The following FBXW11 variants were observed in gnomAD, a reference collection of about 807,000 sequenced individuals.
FBXW11 encodes the protein F-box and WD repeat domain containing 11.
A neutral mutation model predicts 77.6 loss-of-function variants in FBXW11; 19 were observed. The observed-to-expected ratio is 0.24, with a 90% confidence interval of 0.17 to 0.36. The LOEUF is 0.36. FBXW11 is among the 10% of genes least tolerant of loss of function. The probability of loss-of-function intolerance (pLI) is 1.00; values close to 1 mark genes in which losing one functional copy is unlikely to be tolerated. For missense variants in FBXW11, 334 were observed against 704.2 expected (o/e 0.47, Z 5.95); for synonymous variants, 235 against 249.4 (o/e 0.94, Z 0.54).
At chr5:171,932,655 CTATA>C (rs1762274133) in intron 2 of FBXW11, among the ~76,000 whole-genome samples, 1 of 152,136 alleles carries the variant, frequency 6.6e-6, no homozygotes, top group Non-Finnish European at 1.5e-5. Flanking sequence ...TCTTACAAAA[CTATA>C]TATACTCTTG....
At chr5:171,969,297 G>A (rs947457898) in intron 1 of FBXW11, among the ~76,000 whole-genome samples, 1 of 152,224 alleles carries the variant, frequency 6.6e-6, no homozygotes, top group South Asian at 2.1e-4. Context: ...AGAATGTATG[G>A]AAGGGAAAAC....
At chr5:171,866,630 A>G (rs916442355) in intron 13 of FBXW11, among the ~76,000 whole-genome samples, 24 of 152,194 alleles carry the variant, frequency 1.6e-4, no homozygotes, top group Non-Finnish European at 2.6e-4. Flanking sequence ...TTGTCAGTTC[A>G]TCTATTGTAA....
At chr5:171,914,276 TTAA>T in intron 3 of FBXW11, 64 bp downstream of exon 3, 2 of 1,360,998 alleles carry the variant, frequency 1.5e-6, no homozygotes, top group Non-Finnish European at 2.0e-6. Context: ...ACTGAGGACA[TTAA>T]CTGAGGGAGC....
chr5:171,934,999 C>G (rs1762399596), intron 2 of FBXW11, among the ~76,000 whole-genome samples: 1 of 152,130 alleles, frequency 6.6e-6, no homozygotes, highest in Admixed American at 6.5e-5. Context: ...CGCTCTGTAG[C>G]CCAGGCTGGA....
chr5:171,903,757 T>A (rs1451127882), intron 4 of FBXW11, among the ~76,000 whole-genome samples: 1 of 152,070 alleles, frequency 6.6e-6, no homozygotes, highest in Non-Finnish European at 1.5e-5. Flanking sequence ...GTGATCCTCC[T>A]GCCTCAGCCT....
chr5:171,997,072 A>G (rs578221209), intron 1 of FBXW11: 1 of 1,289,804 alleles, frequency 7.8e-7, no homozygotes, highest in Non-Finnish European at 1.0e-6. Context: ...ACAGAAAGCA[A>G]TCCATACACC....
intron 2 of FBXW11, among the ~76,000 whole-genome samples, chr5:171,957,035 C>CA (rs1763649933): frequency 6.6e-6 from 1 of 152,164 alleles, no homozygotes; most frequent in African/African-American, 2.4e-5. Context: ...ACTGGGTGGA[C>CA]CCTGAGGACA....
At chr5:172,001,719 T>C (rs1209412032) in intron 1 of FBXW11, among the ~76,000 whole-genome samples, 1 of 152,228 alleles carries the variant, frequency 6.6e-6, no homozygotes, top group Non-Finnish European at 1.5e-5. Context: ...TACCATAATA[T>C]AAACTGACAT....
intron 5 of FBXW11, among the ~76,000 whole-genome samples, chr5:171,899,688 C>T (rs560202028): frequency 1.0e-3 from 39 of 38,566 alleles, no homozygotes; most frequent in Admixed American, 1.2e-3. Context: ...AGCTTTGAAA[C>T]GCCAAATCCC....
At chr5:171,958,200 G>A (rs1364665293) in intron 1 of FBXW11, among the ~76,000 whole-genome samples, 6 of 152,118 alleles carry the variant, frequency 3.9e-5, no homozygotes, top group Non-Finnish European at 5.9e-5. Context: ...AGTGATTCGC[G>A]CAAGGACACA....
Position 171,968,385 on chromosome 5 carries a change from G to A in FBXW11, c.46-10687C>T, listed in dbSNP as rs184766587. Among the ~76,000 whole-genome samples, 1,140 of 151,450 alleles carry A rather than the reference G, an allele frequency of 7.5e-3. 21 individuals are homozygous for A. Among genetic ancestry groups the A allele is most frequent in the African/African-American group, 0.027 (1,097 of 41,304 alleles). On this transcript the variant is annotated intron_variant, in intron 1 of 13. Coordinates refer to ENST00000517395, the MANE Select transcript of FBXW11 (RefSeq NM_001378974.1). ...AGGCAGGAGAATGGTGCGAACCCGG[G>A]AGGCGGAGCTTGCAGTGAGCGGAGA...
At chr5:171,917,078 G>A (rs1761304399) in intron 2 of FBXW11, among the ~76,000 whole-genome samples, 2 of 151,906 alleles carry the variant, frequency 1.3e-5, no homozygotes. Context: ...ACACCACCAT[G>A]CCCAGCTAAT....
chr5:171,971,265 G>C (rs576076714), intron 1 of FBXW11, among the ~76,000 whole-genome samples: 1 of 152,286 alleles, frequency 6.6e-6, no homozygotes, highest in African/African-American at 2.4e-5. Context: ...CTTTTTGCAT[G>C]TGTACACATG....
intron 2 of FBXW11, among the ~76,000 whole-genome samples, chr5:171,954,320 G>GT (rs1763508639): frequency 6.6e-6 from 1 of 152,184 alleles, no homozygotes; most frequent in African/African-American, 2.4e-5. Flanking sequence ...AAATAAATGT[G>GT]TAACCTTAGG....
chr5:171,880,984 A>G (rs1581139582), intron 7 of FBXW11, among the ~76,000 whole-genome samples: 1 of 152,234 alleles, frequency 6.6e-6, no homozygotes, highest in South Asian at 2.1e-4. Flanking sequence ...GGCGTGAGCC[A>G]CCGCGCCCAG....
At chr5:171,872,204 TG>T (rs1757794291) in intron 10 of FBXW11, among the ~76,000 whole-genome samples, 1 of 152,234 alleles carries the variant, frequency 6.6e-6, no homozygotes, top group Non-Finnish European at 1.5e-5. Context: ...TTTGCTTGCC[TG>T]CCTTTAAAAA....
At chr5:171,930,880 T>C (rs1418903336) in intron 2 of FBXW11, among the ~76,000 whole-genome samples, 1 of 151,746 alleles carries the variant, frequency 6.6e-6, no homozygotes, top group Admixed American at 6.6e-5. Flanking sequence ...CACTTTCCTA[T>C]ATACCAGCAA....
At chr5:171,932,391 C>T (rs1260100438) in intron 2 of FBXW11, among the ~76,000 whole-genome samples, 1 of 152,112 alleles carries the variant, frequency 6.6e-6, no homozygotes, top group African/African-American at 2.4e-5. Context: ...ATGCAAACAC[C>T]ATGAAATGCT....
At chr5:171,959,714 G>T (rs1763794080) in intron 1 of FBXW11, among the ~76,000 whole-genome samples, 1 of 151,940 alleles carries the variant, frequency 6.6e-6, no homozygotes, top group East Asian at 1.9e-4. Context: ...CAGGCGTGTG[G>T]TGGCACACAC....
Sources: gnomAD v4.1 joint callset for allele counts (sites outside exome capture counted in the v4.1 genomes callset) on GRCh38, gnomAD v4.1.1 for gene constraint, MANE v1.5 for transcripts, NCBI Gene and HGNC (gene_info 2026-07-23, HGNC 2026-07-21) for gene names.